The following CEP83 variants were observed in gnomAD, a reference collection of about 807,000 sequenced individuals.
CEP83 encodes centrosomal protein 83.
CEP83 carries 70 observed loss-of-function variants against 101.9 expected under a neutral mutation model. The observed-to-expected ratio is 0.69, with a 90% CI of 0.57 to 0.84. CEP83 has a LOEUF of 0.84. Among genes scored for constraint, CEP83 ranks in the 40% least tolerant of loss-of-function variants. The pLI is 0.00. For missense variants in CEP83, 715 were observed against 787.2 expected (o/e 0.91, Z 1.10); for synonymous variants, 264 against 267.9 (o/e 0.99, Z 0.14).
At chr12:94,342,000 G>A (rs1409931543) in intron 11 of CEP83, among the ~76,000 whole-genome samples, 1 of 152,142 alleles carries the variant, frequency 6.6e-6, no homozygotes. Context: ...CTGTCAAAGA[G>A]AGATTTAAAA....
intron 2 of CEP83, among the ~76,000 whole-genome samples, chr12:94,432,642 T>C (rs1462526594): frequency 6.6e-6 from 1 of 152,000 alleles, no homozygotes; most frequent in Non-Finnish European, 1.5e-5. Context: ...AATACAGATA[T>C]CCAGTTAGAT....
chr12:94,450,470 T>G (rs1308984841), intron 1 of CEP83, among the ~76,000 whole-genome samples: 1 of 152,168 alleles, frequency 6.6e-6, no homozygotes, highest in Non-Finnish European at 1.5e-5. Flanking sequence ...GCCAAGATGG[T>G]CTCGATCTCC....
intron 11 of CEP83, among the ~76,000 whole-genome samples, chr12:94,351,211 A>G (rs1248706580): frequency 1.3e-5 from 2 of 152,176 alleles, no homozygotes; most frequent in African/African-American, 4.8e-5. Flanking sequence ...GGAGTTCCTT[A>G]GCAATCCCTA....
At chr12:94,408,610 C>T (rs1032191597) in intron 4 of CEP83, among the ~76,000 whole-genome samples, 4 of 151,954 alleles carry the variant, frequency 2.6e-5, no homozygotes, top group African/African-American at 4.8e-5. Flanking sequence ...GTCAGGGTCT[C>T]GCGCTGTTGC....
the CEP83 span, chr12:94,300,922 C>A: frequency 6.2e-7 from 1 of 1,612,518 alleles, no homozygotes; most frequent in Admixed American, 1.7e-5. Flanking sequence ...TTCCTCTTCG[C>A]TTCTGGGTAA....
At chr12:94,414,616 C>T (rs1371165670) in intron 2 of CEP83, among the ~76,000 whole-genome samples, 2 of 152,148 alleles carry the variant, frequency 1.3e-5, no homozygotes, top group African/African-American at 2.4e-5. Flanking sequence ...ATAACTTTTC[C>T]ATGCACTGAG....
chr12:94,402,512 G>A (rs975393295), intron 5 of CEP83, among the ~76,000 whole-genome samples: 20 of 152,200 alleles, frequency 1.3e-4, no homozygotes, highest in Admixed American at 9.2e-4. Flanking sequence ...AGCAGTCAAA[G>A]TAGGCCCCAT....
At chr12:94,313,845 A>G (rs1441154385) in intron 14 of CEP83, among the ~76,000 whole-genome samples, 4 of 152,212 alleles carry the variant, frequency 2.6e-5, no homozygotes, top group Non-Finnish European at 5.9e-5. Context: ...CAAAAAAGGA[A>G]AAGAAAAGAA....
At chr12:94,426,116 C>G (rs1373047659) in intron 2 of CEP83, among the ~76,000 whole-genome samples, 2 of 148,914 alleles carry the variant, frequency 1.3e-5, no homozygotes, top group East Asian at 1.9e-4. Context: ...AGCGAAACTC[C>G]GTCTCAAAAA....
At chr12:94,422,295 C>T (rs73218264) in intron 2 of CEP83, among the ~76,000 whole-genome samples, 30 of 152,332 alleles carry the variant, frequency 2.0e-4, no homozygotes, top group Non-Finnish European at 4.0e-4. Flanking sequence ...TTTGTATGTG[C>T]TCTCATGGCA....
chr12:94,342,970 T>G lies in CEP83; in HGVS notation c.1344-7306A>C, dbSNP rs187041961. On this transcript the variant is annotated intron_variant, in intron 11 of 16. Coordinates refer to ENST00000397809, the MANE Select transcript of CEP83 (RefSeq NM_016122.3). ...AGTAATAATAGGAGACTTTAATATATCATTCTTTGTACAAGACAAATCAAG... is the reference window on the plus strand; with the variant it reads ...AGTAATAATAGGAGACTTTAATATAGCATTCTTTGTACAAGACAAATCAAG... 1.8e-3 allele frequency among the ~76,000 whole-genome samples: 269 copies of G among 152,128 alleles called. 1 individual carries two copies. Among genetic ancestry groups the G allele is most frequent in the African/African-American group, 6.3e-3 (260 of 41,514 alleles).
intron 1 of CEP83, among the ~76,000 whole-genome samples, chr12:94,439,652 A>T (rs933138896): frequency 6.6e-6 from 1 of 152,174 alleles, no homozygotes; most frequent in African/African-American, 2.4e-5. Flanking sequence ...AGCTATTCCA[A>T]AACACAGAAA....
At chr12:94,289,641 C>T in the CEP83 span, among the ~76,000 whole-genome samples, 1 of 152,208 alleles carries the variant, frequency 6.6e-6, no homozygotes, top group African/African-American at 2.4e-5. Flanking sequence ...TAACACTCTG[C>T]ATTCCAGGGC....
chr12:94,403,397 CT>C (rs2063365113), intron 4 of CEP83, 135 bp from the exon 5 acceptor site: 2 of 516,948 alleles, frequency 3.9e-6, no homozygotes, highest in East Asian at 6.5e-5. Context: ...ACAGTGATCA[CT>C]ATACAAATAG....
the CEP83 span, among the ~76,000 whole-genome samples, chr12:94,274,737 C>T: frequency 6.5e-4 from 99 of 152,272 alleles, 2 homozygotes; most frequent in East Asian, 0.016. Context: ...GCAGGATCAC[C>T]GAGTGTTTAA....
chr12:94,280,339 G>T, the CEP83 span, among the ~76,000 whole-genome samples: 435 of 152,328 alleles, frequency 2.9e-3, 3 homozygotes, highest in Non-Finnish European at 4.0e-3. Context: ...TAATGGGACA[G>T]AAATGAAGAA....
chr12:94,275,998 T>A, the CEP83 span, among the ~76,000 whole-genome samples: 1 of 152,214 alleles, frequency 6.6e-6, no homozygotes, highest in African/African-American at 2.4e-5. Context: ...TTTTACCTCT[T>A]TTCCACCCAT....
In CEP83 at chr12:94,308,854, G is replaced by T. The variant is rs372237518; in HGVS notation, c.2065C>A (p.Gln689Lys). 3.1e-6 allele frequency: 5 copies of T among 1,612,692 alleles called. No homozygotes were observed. The highest frequency in any genetic ancestry group is 4.2e-6 in the Non-Finnish European group (5 of 1,179,020). ...RKRLEELETTQRKQLEELGSS... is the reference protein window; with the variant it reads ...RKRLEELETTKRKQLEELGSS... ...CCAAGTTCCTCTAGTTGTTTTCTTT[G>T]TGTTGTTTCCAGTTCTTCTAGTCTT... The change falls in exon 17 of 17, where the codon CAA (glutamine) becomes AAA (lysine). Residue 689 changes from glutamine (Q) to lysine (K), a missense_variant. Coordinates refer to ENST00000397809, the MANE Select transcript of CEP83 (RefSeq NM_016122.3).
the CEP83 span, chr12:94,279,523 T>C: frequency 6.1e-4 from 980 of 1,614,208 alleles, 2 homozygotes; most frequent in Middle Eastern, 3.6e-3. Flanking sequence ...TGCAGATGTC[T>C]GTCGGAATAT....
Sources: allele counts gnomAD v4.1 joint callset (sites outside exome capture counted in the v4.1 genomes callset), GRCh38; gene constraint gnomAD v4.1.1; transcripts MANE v1.5; gene names NCBI Gene and HGNC (gene_info 2026-07-23, HGNC 2026-07-21).